The following CNOT2 variants were observed in gnomAD, a reference collection of about 807,000 sequenced individuals.
CNOT2 encodes the protein CCR4-NOT transcription complex subunit 2.
A neutral mutation model predicts 72.1 loss-of-function variants in CNOT2; 7 were observed. That is an observed-to-expected ratio of 0.10 (90% CI 0.06 to 0.18). CNOT2 has a LOEUF of 0.18. Ranked by LOEUF, CNOT2 falls within the 10% of genes least tolerant of loss-of-function variation. CNOT2 has a pLI of 1.00. For synonymous variants in CNOT2, 196 were observed against 225.6 expected, an observed-to-expected ratio of 0.87 and a Z score of 1.17; for missense variants, 345 against 660.3, an observed-to-expected ratio of 0.52 and a Z score of 5.23.
intron 1 of CNOT2, among the ~76,000 whole-genome samples, chr12:70,252,478 C>G (rs1958188842): frequency 6.6e-6 from 1 of 152,116 alleles, no homozygotes; most frequent in African/African-American, 2.4e-5. Context: ...TAAATTATTG[C>G]TTTTATTGTA....
chr12:70,294,447 T>C (rs1872501951), intron 2 of CNOT2, among the ~76,000 whole-genome samples: 1 of 152,214 alleles, frequency 6.6e-6, no homozygotes, highest in Non-Finnish European at 1.5e-5. Flanking sequence ...TCATAAATTA[T>C]TTAAAAAATA....
intron 4 of CNOT2, among the ~76,000 whole-genome samples, chr12:70,324,525 G>A (rs1209656438): frequency 6.6e-6 from 1 of 151,728 alleles, no homozygotes; most frequent in South Asian, 2.1e-4. Context: ...TAAGGTTTCC[G>A]ACCTGCAAAC....
chr12:70,293,555 GT>G (rs992946124), intron 2 of CNOT2, among the ~76,000 whole-genome samples: 1 of 151,832 alleles, frequency 6.6e-6, no homozygotes, highest in Non-Finnish European at 1.5e-5. Context: ...AAAGTGCCAG[GT>G]TTTTTTTGAT....
At position 70,335,418 on chromosome 12, in the gene CNOT2, T is replaced by C; in HGVS notation, c.650-20T>C. On this transcript the variant is annotated intron_variant, in intron 7 of 15. Coordinates refer to ENST00000229195, the MANE Select transcript of CNOT2 (RefSeq NM_014515.7). Reference sequence around the variant, plus strand: ...AAATATTTGTAGAATCAATAACCAGTGTCCTTTCTTATTATTTAGACGGAA... The same window carrying C: ...AAATATTTGTAGAATCAATAACCAGCGTCCTTTCTTATTATTTAGACGGAA... 1.9e-6 allele frequency: 3 copies of C among 1,551,502 alleles called. No individual in the cohort carries two copies. The highest frequency in any genetic ancestry group is 2.7e-6 in the Non-Finnish European group (3 of 1,125,460).
intron 2 of CNOT2, among the ~76,000 whole-genome samples, chr12:70,291,906 C>A (rs145166237): frequency 6.6e-6 from 1 of 152,282 alleles, no homozygotes; most frequent in Middle Eastern, 3.4e-3. Context: ...CACTGCACTC[C>A]AGTCTGGGCG....
chr12:70,279,807 A>G (rs1005154055), intron 2 of CNOT2, among the ~76,000 whole-genome samples: 1 of 152,222 alleles, frequency 6.6e-6, no homozygotes, highest in African/African-American at 2.4e-5. Context: ...ATACTTAAGA[A>G]AGAAAACAGA....
At chr12:70,280,807 A>G (rs918486538) in intron 2 of CNOT2, among the ~76,000 whole-genome samples, 3 of 152,150 alleles carry the variant, frequency 2.0e-5, no homozygotes, top group African/African-American at 7.2e-5. Flanking sequence ...CTTTCTTACT[A>G]TAAGTTTAAG....
At chr12:70,327,338 GA>G (rs1879243785) in intron 4 of CNOT2, among the ~76,000 whole-genome samples, 2 of 151,938 alleles carry the variant, frequency 1.3e-5, no homozygotes, top group South Asian at 4.1e-4. Context: ...ATTCAAAAGG[GA>G]AAAAGAAAGC....
chr12:70,348,651 GTTAGATATAT>G (rs1048355724), intron 15 of CNOT2, among the ~76,000 whole-genome samples: 3 of 152,110 alleles, frequency 2.0e-5, no homozygotes, highest in African/African-American at 7.2e-5. Context: ...GTTAAATTTT[GTTAGATATAT>G]GTATGAAGAA....
At chr12:70,261,221 A>G (rs931677118) in intron 1 of CNOT2, among the ~76,000 whole-genome samples, 2 of 151,488 alleles carry the variant, frequency 1.3e-5, no homozygotes, top group South Asian at 4.2e-4. Context: ...GATAAATCCA[A>G]CTGGTCATGT....
intron 2 of CNOT2, among the ~76,000 whole-genome samples, chr12:70,305,390 G>A (rs1875090434): frequency 6.6e-6 from 1 of 152,148 alleles, no homozygotes; most frequent in Non-Finnish European, 1.5e-5. Context: ...ACCTCCCACG[G>A]GGTTCCTTCT....
intron 4 of CNOT2, among the ~76,000 whole-genome samples, chr12:70,328,542 A>G (rs566913217): frequency 2.0e-5 from 3 of 151,920 alleles, no homozygotes; most frequent in Non-Finnish European, 4.4e-5. Flanking sequence ...TTTGAAGCAT[A>G]AAAGGGAAAA....
chr12:70,298,326 C>T (rs536023606), intron 2 of CNOT2, among the ~76,000 whole-genome samples: 16 of 152,264 alleles, frequency 1.1e-4, no homozygotes, highest in African/African-American at 3.1e-4. Flanking sequence ...TTTCCCTTTA[C>T]AAATTCAAGA....
intron 1 of CNOT2, 104 bp from the exon 2 acceptor site, chr12:70,278,028 A>T (rs1869153586): frequency 2.0e-6 from 1 of 488,246 alleles, no homozygotes; most frequent in Non-Finnish European, 3.6e-6. Flanking sequence ...TAGAACAATT[A>T]CTTTTTGTTT....
chr12:70,318,995 T>C (rs1279096918), intron 3 of CNOT2: 2 of 199,886 alleles, frequency 1.0e-5, no homozygotes, highest in African/African-American at 4.6e-5. Context: ...ACCATGTCTA[T>C]ATAATTTTAT....
chr12:70,322,524 A>G (rs902781016), intron 4 of CNOT2: 3 of 151,786 alleles, frequency 2.0e-5, no homozygotes, highest in Admixed American at 6.6e-5. Context: ...CTGTGTGCAT[A>G]TTATCTTATA....
intron 2 of CNOT2, among the ~76,000 whole-genome samples, chr12:70,306,167 T>C (rs1875341920): frequency 6.6e-6 from 1 of 152,144 alleles, no homozygotes. Context: ...TTTTATTTTA[T>C]TTTAAGACGT....
At chr12:70,310,304 A>C (rs1876230016) in intron 2 of CNOT2, among the ~76,000 whole-genome samples, 1 of 152,080 alleles carries the variant, frequency 6.6e-6, no homozygotes, top group South Asian at 2.1e-4. Flanking sequence ...AAACAAATGA[A>C]TAAGCAGGTT....
At chr12:70,335,864 T>C (rs1408746759) in intron 8 of CNOT2, 2 of 200,714 alleles carry the variant, frequency 1.0e-5, no homozygotes, top group African/African-American at 4.7e-5. Flanking sequence ...AGTGTTTTAT[T>C]TTGTGGTCTG....
Sources: gnomAD v4.1 joint callset for allele counts (sites outside exome capture counted in the v4.1 genomes callset) on GRCh38, gnomAD v4.1.1 for gene constraint, MANE v1.5 for transcripts, NCBI Gene and HGNC (gene_info 2026-07-23, HGNC 2026-07-21) for gene names.